The following FAM168A variants were observed in gnomAD, a reference collection of about 807,000 sequenced individuals.
FAM168A encodes protein FAM168A.
FAM168A carries 3 observed loss-of-function variants against 28.5 expected under a neutral mutation model. That is an observed-to-expected ratio of 0.11 (90% CI 0.05 to 0.27). The LOEUF is 0.27. FAM168A is among the 10% of genes least tolerant of loss of function. The pLI is 1.00. For missense variants in FAM168A, 222 were observed against 311.5 expected, an observed-to-expected ratio of 0.71 and a Z score of 2.16; for synonymous variants, 122 against 124.2, an observed-to-expected ratio of 0.98 and a Z score of 0.12.
intron 1 of FAM168A, among the ~76,000 whole-genome samples, chr11:73,567,598 G>A (rs1252884488): frequency 2.0e-5 from 3 of 152,030 alleles, no homozygotes; most frequent in African/African-American, 7.2e-5. Context: ...ACAACCCTCT[G>A]CCAAAATAAC....
rs897071261 is a variant in FAM168A, at chr11:73,405,677, G to A, written c.*1086C>T. The A allele has an allele frequency of 6.6e-6, 1 of 152,258 alleles. No individual in the cohort carries two copies. The highest frequency in any genetic ancestry group is 1.5e-5 in the Non-Finnish European group (1 of 68,058). 9.4% of individuals were successfully genotyped at this position (152,258 alleles called of 1,614,324 possible). ...AGAGCTGCCAGCACCCACCTGGAAT[G>A]TGGTTCCTTCACTTGGGCCATGAAT... On this transcript the variant is annotated 3_prime_UTR_variant, in exon 8 of 8. Transcript: ENST00000356467.
At chr11:73,476,058 T>C (rs901936958) in intron 1 of FAM168A, among the ~76,000 whole-genome samples, 3 of 152,194 alleles carry the variant, frequency 2.0e-5, no homozygotes, top group South Asian at 2.1e-4. Flanking sequence ...TAAACTTTCA[T>C]AGGATCCCTA....
intron 1 of FAM168A, among the ~76,000 whole-genome samples, chr11:73,511,146 AG>A (rs1421176196): frequency 6.6e-6 from 1 of 151,960 alleles, no homozygotes; most frequent in East Asian, 1.9e-4. Flanking sequence ...CCCAGAGCCA[AG>A]GCCACATCTT....
intron 1 of FAM168A, among the ~76,000 whole-genome samples, chr11:73,485,558 G>A (rs1868042119): frequency 6.6e-6 from 1 of 152,128 alleles, no homozygotes; most frequent in South Asian, 2.1e-4. Flanking sequence ...TTAGCAATGA[G>A]CAAAAACTTC....
chr11:73,550,600 A>T (rs1304915704), intron 1 of FAM168A, among the ~76,000 whole-genome samples: 1 of 152,192 alleles, frequency 6.6e-6, no homozygotes, highest in Non-Finnish European at 1.5e-5. Context: ...GGATGCAGTG[A>T]GCCATGATCG....
intron 1 of FAM168A, among the ~76,000 whole-genome samples, chr11:73,472,549 A>C (rs764397093): frequency 7.9e-5 from 12 of 152,184 alleles, no homozygotes; most frequent in Non-Finnish European, 1.5e-4. Flanking sequence ...AAGAAGAGTG[A>C]AATTATTTGT....
chr11:73,576,750 A>T (rs957144519), intron 1 of FAM168A, among the ~76,000 whole-genome samples: 1 of 152,144 alleles, frequency 6.6e-6, no homozygotes, highest in Non-Finnish European at 1.5e-5. Context: ...GGGCTCACCC[A>T]GGAGGGAAGA....
chr11:73,433,865 G>A (rs1220676683), intron 2 of FAM168A, among the ~76,000 whole-genome samples: 1 of 42,530 alleles, frequency 2.4e-5, no homozygotes, highest in African/African-American at 7.4e-5. Context: ...TTTTTTTTTT[G>A]AGATGGAGTT....
chr11:73,525,530 C>A (rs1036910323), intron 1 of FAM168A, among the ~76,000 whole-genome samples: 1 of 152,172 alleles, frequency 6.6e-6, no homozygotes, highest in Admixed American at 6.5e-5. Flanking sequence ...AGAAAATAAA[C>A]CTCCAAAGTT....
chr11:73,496,032 C>T (rs1216880751), intron 1 of FAM168A, among the ~76,000 whole-genome samples: 1 of 152,168 alleles, frequency 6.6e-6, no homozygotes, highest in Non-Finnish European at 1.5e-5. Flanking sequence ...TAAATGTCCA[C>T]TGATGAATGA....
intron 2 of FAM168A, among the ~76,000 whole-genome samples, chr11:73,441,251 G>T (rs1183528658): frequency 6.6e-6 from 1 of 152,086 alleles, no homozygotes; most frequent in Admixed American, 6.5e-5. Flanking sequence ...TAGAGATGGG[G>T]TTTCACCACG....
At chr11:73,506,905 A>G (rs1343985373) in intron 1 of FAM168A, among the ~76,000 whole-genome samples, 3 of 152,174 alleles carry the variant, frequency 2.0e-5, no homozygotes, top group African/African-American at 7.2e-5. Context: ...CCACTCACAT[A>G]TATAATCATT....
intron 1 of FAM168A, among the ~76,000 whole-genome samples, chr11:73,508,400 T>C (rs528676970): frequency 6.6e-6 from 1 of 152,280 alleles, no homozygotes; most frequent in Non-Finnish European, 1.5e-5. Context: ...CCTTCAAACA[T>C]CTTTAATACA....
Position 73,404,672 on chromosome 11 carries a change from A to T in FAM168A, c.*2091T>A, listed in dbSNP as rs1866471210. On this transcript the variant is annotated 3_prime_UTR_variant, in exon 8 of 8. Coordinates refer to ENST00000356467, the MANE Select transcript of FAM168A (RefSeq NM_015159.3). ...TGGTCCTAAAGTTCCTTGGAAGCCCAGGAAGGTGGGCCCCCAAACTCCTGG... is the reference window on the plus strand; with the variant it reads ...TGGTCCTAAAGTTCCTTGGAAGCCCTGGAAGGTGGGCCCCCAAACTCCTGG... The T allele has an allele frequency of 1.3e-5, 2 of 152,220 alleles. No homozygotes were observed. Among genetic ancestry groups the T allele is most frequent in the Admixed American group, 1.3e-4 (2 of 15,282 alleles). The allele number at this position is 152,220 out of a possible 1,614,324, so 9.4% of individuals were successfully genotyped here.
intron 2 of FAM168A, among the ~76,000 whole-genome samples, chr11:73,446,921 A>C (rs2043102705): frequency 6.6e-6 from 1 of 152,184 alleles, no homozygotes; most frequent in Non-Finnish European, 1.5e-5. Flanking sequence ...CCCACCACCA[A>C]GGATAAAGTT....
intron 2 of FAM168A, among the ~76,000 whole-genome samples, chr11:73,436,974 G>A (rs1867097883): frequency 6.6e-6 from 1 of 152,176 alleles, no homozygotes. Context: ...TTATTGAAAA[G>A]TATCACAGGC....
At chr11:73,545,621 C>T (rs1943738617) in intron 1 of FAM168A, among the ~76,000 whole-genome samples, 1 of 148,816 alleles carries the variant, frequency 6.7e-6, no homozygotes, top group Admixed American at 6.7e-5. Flanking sequence ...AGCTCTTTAA[C>T]TTTTAAAATA....
chr11:73,514,343 GA>G (rs974018386), intron 1 of FAM168A, among the ~76,000 whole-genome samples: 1 of 151,834 alleles, frequency 6.6e-6, no homozygotes, highest in Non-Finnish European at 1.5e-5. Flanking sequence ...CTGCTTTTGA[GA>G]AAAAAAACTG....
At chr11:73,513,051 A>G (rs912488740) in intron 1 of FAM168A, among the ~76,000 whole-genome samples, 1 of 152,152 alleles carries the variant, frequency 6.6e-6, no homozygotes, top group Non-Finnish European at 1.5e-5. Context: ...TGGCAGGGAT[A>G]TTCAATATCA....
Sources: allele counts gnomAD v4.1 joint callset (sites outside exome capture counted in the v4.1 genomes callset), GRCh38; gene constraint gnomAD v4.1.1; transcripts MANE v1.5; gene names NCBI Gene and HGNC (gene_info 2026-07-23, HGNC 2026-07-21).